The following CDC42BPG variants were observed in gnomAD, a reference collection of about 807,000 sequenced individuals.
CDC42BPG encodes the protein CDC42 binding protein kinase gamma.
In CDC42BPG, 157 loss-of-function variants were observed where a neutral mutation model predicts 192.2. That is an observed-to-expected ratio of 0.82 (90% CI 0.72 to 0.93). CDC42BPG has a LOEUF of 0.93. Among genes scored for constraint, CDC42BPG ranks in the 40% least tolerant of loss-of-function variants. CDC42BPG has a pLI of 0.00. For synonymous variants in CDC42BPG, 981 were observed against 918.5 expected, an observed-to-expected ratio of 1.07 and a Z score of -1.23; for missense variants, 1,992 against 2,122.1, an observed-to-expected ratio of 0.94 and a Z score of 1.20.
In CDC42BPG at chr11:64,834,876, G is replaced by C; in HGVS notation, c.2148C>G (p.Gly716=). ...GTGGCCGGGCAGGGAGCGTCTGGGT[G>C]CCTACGTTCCTCAAGGACTCCAGCT... ...AEELESLRNV[G]TQTLPARPLD... Residue 716 remains glycine (G), a synonymous_variant, in exon 18 of 37, where the codon GGC becomes GGG. Coordinates refer to ENST00000342711, the MANE Select transcript of CDC42BPG (RefSeq NM_017525.3). 6.2e-7 allele frequency: 1 copy of C among 1,613,868 alleles called. No individual in the cohort carries two copies.
chr11:64,834,236 C>G (rs1942856220), intron 20 of CDC42BPG, 30 bp downstream of exon 20: 1 of 1,542,114 alleles, frequency 6.5e-7, no homozygotes, highest in African/African-American at 1.4e-5. Context: ...GGGAGCCTGG[C>G]TCCGGGGCAA....
Position 64,824,199 on chromosome 11 carries a change from T to C in CDC42BPG, c.*274A>G. The C allele has an allele frequency of 2.0e-6, 1 of 505,394 alleles. No homozygotes were observed. The highest frequency in any genetic ancestry group is 2.1e-5 in the South Asian group (1 of 47,422). The allele number at this position is 505,394 out of a possible 1,614,324, so 31.3% of individuals were successfully genotyped here. A position where few individuals can be genotyped will look rare whatever the true frequency, so the allele number is the denominator to read the frequency against. ...ACTGGAAATAAGAGCTTTGGCACAA[T>C]CACCCCTGGACACCAGAACAAAAGG... On this transcript the variant is annotated 3_prime_UTR_variant, in exon 37 of 37. Transcript: ENST00000342711.
At chr11:64,829,334 AG>A in intron 30 of CDC42BPG, 136 bp downstream of exon 30, 1 of 1,083,230 alleles carries the variant, frequency 9.2e-7, no homozygotes, top group Non-Finnish European at 1.3e-6. Context: ...AGGGTGGGAC[AG>A]GGTGTTGTTG....
At position 64,829,873 on chromosome 11, in the gene CDC42BPG, G is replaced by A; in HGVS notation, c.3565C>T (p.Gln1189Ter). 1 of 1,608,794 alleles carries A rather than the reference G, an allele frequency of 6.2e-7. No individual in the cohort carries two copies. The highest frequency in any genetic ancestry group is 8.5e-7 in the Non-Finnish European group (1 of 1,178,316). The change falls in exon 30 of 37, where the codon CAG becomes TAG. Residue 1189 changes from glutamine (Q) to a stop codon, truncating the protein, a stop_gained. Transcript: ENST00000342711. LOFTEE classifies it high-confidence loss of function. ...CQVLAAGSIL[Q>*]ARTPVLCVAV... ...ACACAGAGCACCGGGGTGCGGGCCT[G>A]CAGGATGCTTCCAGCTGCCAGCACC...
At chr11:64,841,998 G>T in intron 1 of CDC42BPG, 94 bp from the exon 2 acceptor site, 2 of 1,029,502 alleles carry the variant, frequency 1.9e-6, no homozygotes, top group Non-Finnish European at 2.9e-6. Context: ...GCTCCTGTGA[G>T]CCCAGGCAGG....
At position 64,838,699 on chromosome 11, in the gene CDC42BPG, C is replaced by A. The variant is rs2136369251; in HGVS notation, c.1080G>T (p.Met360Ile). The A allele has an allele frequency of 6.2e-7, 1 of 1,613,212 alleles. No homozygotes were observed. The highest frequency in any genetic ancestry group is 8.5e-7 in the Non-Finnish European group (1 of 1,180,014). The change falls in exon 8 of 37, where the codon ATG becomes ATT. Residue 360 changes from methionine (M) to isoleucine (I), a missense_variant. By Grantham distance (10) the Met-to-Ile change is conservative. Around this residue, in one of 2 missense-constraint regions of CDC42BPG, gnomAD observed 1,656 missense variants for 1,844.3 expected, o/e 0.90. Transcript: ENST00000342711. Reference sequence around the variant, plus strand: ...CATCCACATCAAAGTTGGAGGTGTCCATGGGCCCCCGCAGCTCAGGAATAT... The same window carrying A: ...CATCCACATCAAAGTTGGAGGTGTCAATGGGCCCCCGCAGCTCAGGAATAT... Reference protein sequence around the residue: ...APYIPELRGPMDTSNFDVDDD... With the variant: ...APYIPELRGPIDTSNFDVDDD...
chr11:64,836,716 G>GGC, intron 11 of CDC42BPG, 23 bp downstream of exon 11: 6 of 869,300 alleles, frequency 6.9e-6, no homozygotes, highest in South Asian at 1.7e-5. Flanking sequence ...TGGGGGGGGG[G>GGC]GGGGGGTGGG....
At chr11:64,840,353 G>C (rs1943226138) in intron 4 of CDC42BPG, 85 bp from the exon 5 acceptor site, 1 of 1,537,562 alleles carries the variant, frequency 6.5e-7, no homozygotes, top group Non-Finnish European at 8.8e-7. Context: ...TGGGAAGGCA[G>C]GCCTGCATCT....
At chr11:64,838,601 A>G in intron 8 of CDC42BPG, 53 bp downstream of exon 8, 1 of 1,598,206 alleles carries the variant, frequency 6.3e-7, no homozygotes, top group Non-Finnish European at 8.5e-7. Flanking sequence ...GGGTTCCCCC[A>G]GCCAACAAGG....
rs370952855 is a variant in CDC42BPG at position 64,825,180 on chromosome 11, G to A, written c.4600-651C>T. 1.8e-4 allele frequency among the ~76,000 whole-genome samples: 28 copies of A among 152,320 alleles called. No homozygotes were observed. The East Asian group carries it at 4.0e-3, about 22-fold the overall frequency. ...GATCTGCCTGCCTCAGCCTCCCAAA[G>A]TGCTGCGATTACAGGGGTGAGCCAC... On this transcript the variant is annotated intron_variant, in intron 36 of 36. Transcript: ENST00000342711.
chr11:64,826,946 T>C, intron 34 of CDC42BPG, 104 bp downstream of exon 34: 2 of 1,149,160 alleles, frequency 1.7e-6, no homozygotes, highest in Non-Finnish European at 2.5e-6. Context: ...TCCCAGGCCT[T>C]AGGAGTAATT....
intron 5 of CDC42BPG, 152 bp downstream of exon 5, chr11:64,839,968 T>C (rs1943206276): frequency 2.5e-6 from 2 of 786,044 alleles, no homozygotes; most frequent in East Asian, 2.7e-5. Flanking sequence ...GAGGGCTCTT[T>C]GGTATGATTC....
chr11:64,843,903 G>A (rs1943389006), intron 1 of CDC42BPG, among the ~76,000 whole-genome samples: 1 of 152,208 alleles, frequency 6.6e-6, no homozygotes, highest in Admixed American at 6.5e-5. Context: ...GTCTGCAAGT[G>A]TGCGATACCT....
intron 11 of CDC42BPG, 21 bp downstream of exon 11, chr11:64,836,718 G>GA: frequency 2.4e-6 from 2 of 849,758 alleles, no homozygotes; most frequent in Non-Finnish European, 3.4e-6. Flanking sequence ...GGGGGGGGGG[G>GA]GGGGTGGGCG....
Position 64,839,119 on chromosome 11 carries a change from C to T in CDC42BPG, c.790G>A (p.Val264Ile), listed in dbSNP as rs371142436. ...GPQCDWWSLG[V>I]CAYELLFGET... The stretch of plus-strand genomic sequence containing the variant: ...CCAAAGAGCAGCTCATAGGCGCAGA[C>T]TCCAAGCGACCACCAGTCACACTGT... The change falls in exon 7 of 37, where the codon GTC becomes ATC. Residue 264 changes from valine to isoleucine, a missense_variant. This residue lies in a region of CDC42BPG where 1,656 missense variants were observed against 1,844.3 expected (regional missense o/e 0.90). Transcript: ENST00000342711. 8.7e-6 allele frequency: 14 copies of T among 1,613,406 alleles called. No homozygotes were observed. The African/African-American group carries it at 1.6e-4, about 18-fold the overall frequency.
intron 4 of CDC42BPG, 116 bp from the exon 5 acceptor site, chr11:64,840,384 C>T: frequency 6.8e-7 from 1 of 1,463,494 alleles, no homozygotes; most frequent in Admixed American, 2.0e-5. Flanking sequence ...CTGGGCTGGC[C>T]AGTTCCCAGC....
chr11:64,835,924 TC>T, intron 13 of CDC42BPG, 73 bp from the exon 14 acceptor site: 2 of 1,427,186 alleles, frequency 1.4e-6, no homozygotes, highest in Non-Finnish European at 1.9e-6. Context: ...TACCATGGAC[TC>T]CAGACCTGCC....
chr11:64,829,653 G>T lies in CDC42BPG; in HGVS notation c.3785C>A (p.Ala1262Asp). The change falls in exon 30 of 37, where the codon GCC becomes GAC. Residue 1262 changes from alanine (A) to aspartate (D), a missense_variant. Ala to Asp is a moderately radical substitution (Grantham distance 126, BLOSUM62 -2). Around this residue, in one of 2 missense-constraint regions of CDC42BPG, gnomAD observed 1,656 missense variants for 1,844.3 expected, o/e 0.90. Transcript: ENST00000342711. ...LNEAAPLALG[A>D]GLVPEELPPS... is the part of the protein sequence containing the mutation. ...TGGCAGCTCCTCAGGCACCAAACCG[G>T]CCCCCAGCGCCAACGGCGCAGCCTC... The T allele has an allele frequency of 1.2e-6, 2 of 1,611,400 alleles. No homozygotes were observed. Among genetic ancestry groups the T allele is most frequent in the Non-Finnish European group, 1.7e-6 (2 of 1,179,336 alleles).
chr11:64,839,249 G>T lies in CDC42BPG; in HGVS notation c.676-16C>A. The T allele has an allele frequency of 6.2e-7, 1 of 1,612,778 alleles. No homozygotes were observed. Among genetic ancestry groups the T allele is most frequent in the Non-Finnish European group, 8.5e-7 (1 of 1,179,842 alleles). ...ATGAATCCACCTGTGGGTGGTGGTG[G>T]TGAAGCCATGAGGACAGCTTTGGGC... On this transcript the variant is annotated splice_polypyrimidine_tract_variant and intron_variant, in intron 6 of 36. Transcript: ENST00000342711.
Sources: gnomAD v4.1 joint callset for allele counts (sites outside exome capture counted in the v4.1 genomes callset) on GRCh38, gnomAD v4.1.1 for gene constraint, gnomAD v4.1.1 regional missense constraint, MANE v1.5 for transcripts, NCBI Gene and HGNC (gene_info 2026-07-23, HGNC 2026-07-21) for gene names.